Variants in GALNTL5 observed in about 807,000 individuals in gnomAD.
The protein encoded by GALNTL5 is inactive polypeptide N-acetylgalactosaminyltransferase-like protein 5.
GALNTL5 carries 44 observed loss-of-function variants against 51.0 expected under a neutral mutation model. The observed-to-expected ratio is 0.86, with a 90% CI of 0.68 to 1.11. The LOEUF is 1.11. Ranked by LOEUF, GALNTL5 falls within the 50% of genes least tolerant of loss-of-function variation. The probability of loss-of-function intolerance (pLI) is 0.00; values close to 1 mark genes in which losing one functional copy is unlikely to be tolerated. For missense variants in GALNTL5, 528 were observed against 531.8 expected, an observed-to-expected ratio of 0.99 and a Z score of 0.07; for synonymous variants, 192 against 182.8, an observed-to-expected ratio of 1.05 and a Z score of -0.41.
At position 151,983,159 on chromosome 7, in the gene GALNTL5, T is replaced by C. The variant is rs768430205; in HGVS notation, c.535+7T>C. On this transcript the variant is annotated splice_region_variant and intron_variant, in intron 4 of 8. Transcript: ENST00000392800. Reference sequence around the variant, plus strand: ...GATGACATGAGCAAAGTTGGTAAGATAGAACACTCATTATCTCATCTACTT... The same window carrying C: ...GATGACATGAGCAAAGTTGGTAAGACAGAACACTCATTATCTCATCTACTT... 3 of 1,606,328 alleles carry C rather than the reference T, an allele frequency of 1.9e-6. No homozygotes were observed. The highest frequency in any genetic ancestry group is 1.3e-5 in the African/African-American group (1 of 74,888).
intron 8 of GALNTL5, among the ~76,000 whole-genome samples, chr7:152,017,460 C>G (rs1304173258): frequency 6.6e-6 from 1 of 152,194 alleles, no homozygotes; most frequent in Admixed American, 6.5e-5. Context: ...AGGTAAATTT[C>G]AGAGATGTAA....
At chr7:151,973,333 T>A (rs1174376338) in intron 3 of GALNTL5, among the ~76,000 whole-genome samples, 3 of 151,110 alleles carry the variant, frequency 2.0e-5, no homozygotes, top group Non-Finnish European at 4.4e-5. Flanking sequence ...GGCATGGTGA[T>A]GCGTGCCTAT....
intron 3 of GALNTL5, among the ~76,000 whole-genome samples, chr7:151,978,700 G>A (rs2151944264): frequency 6.6e-6 from 1 of 152,316 alleles, no homozygotes; most frequent in Middle Eastern, 3.4e-3. Flanking sequence ...TCGCCTCTGA[G>A]AGCTGTAAAG....
At chr7:152,001,865 T>C (rs568302762) in intron 5 of GALNTL5, among the ~76,000 whole-genome samples, 116 of 152,272 alleles carry the variant, frequency 7.6e-4, no homozygotes, top group African/African-American at 2.7e-3. Flanking sequence ...TTTATACCTT[T>C]CTAATGATTT....
intron 2 of GALNTL5, among the ~76,000 whole-genome samples, 173 bp downstream of exon 2, chr7:151,967,666 T>C (rs886902446): frequency 3.9e-5 from 6 of 152,186 alleles, no homozygotes; most frequent in African/African-American, 1.4e-4. Context: ...CAAGTATGCA[T>C]GTATTTACCA....
At chr7:151,988,570 A>G (rs1047469495) in intron 5 of GALNTL5, among the ~76,000 whole-genome samples, 2 of 152,186 alleles carry the variant, frequency 1.3e-5, no homozygotes, top group Admixed American at 1.3e-4. Flanking sequence ...CTGCAAAGAT[A>G]ATACATGTTC....
chr7:152,019,235 CCTG>C (rs1015423691), intron 8 of GALNTL5, among the ~76,000 whole-genome samples: 1 of 152,204 alleles, frequency 6.6e-6, no homozygotes, highest in African/African-American at 2.4e-5. Flanking sequence ...AGGCTGTACT[CCTG>C]CAGGATCTAT....
chr7:151,971,850 T>C (rs561501424), intron 3 of GALNTL5, among the ~76,000 whole-genome samples: 1 of 152,316 alleles, frequency 6.6e-6, no homozygotes, highest in Admixed American at 6.5e-5. Flanking sequence ...TCTGCCACCA[T>C]GTAAGACATG....
At chr7:151,984,926 G>A (rs992126711) in intron 4 of GALNTL5, among the ~76,000 whole-genome samples, 23 of 152,176 alleles carry the variant, frequency 1.5e-4, no homozygotes, top group African/African-American at 3.9e-4. Context: ...ATTTGGAGAC[G>A]TAACTGGTGT....
intron 5 of GALNTL5, among the ~76,000 whole-genome samples, chr7:152,001,841 A>G (rs1041211387): frequency 2.0e-5 from 3 of 152,206 alleles, no homozygotes; most frequent in African/African-American, 7.2e-5. Flanking sequence ...CTTCTGATCA[A>G]AACATGAGAT....
rs747176120 is a variant in GALNTL5, at chr7:152,014,771, A to G, written c.1154A>G (p.His385Arg). Reference sequence around the variant, plus strand: ...ACACATAACTACCTAAGACTGGTGCACGTTTGGCTGGATGAATATAAGGTG... The same window carrying G: ...ACACATAACTACCTAAGACTGGTGCGCGTTTGGCTGGATGAATATAAGGTG... ...AMTHNYLRLV[H>R]VWLDEYKEQF... The change falls in exon 8 of 9, where the codon CAC (histidine) becomes CGC (arginine). Residue 385 changes from histidine (H) to arginine (R), a missense_variant. Transcript: ENST00000392800. 6.2e-7 allele frequency: 1 copy of G among 1,611,168 alleles called. No individual in the cohort carries two copies. Among genetic ancestry groups the G allele is most frequent in the South Asian group, 1.1e-5 (1 of 90,412 alleles).
chr7:151,979,106 CT>C lies in GALNTL5; in HGVS notation c.369-3860del, dbSNP rs397888897. Among the ~76,000 whole-genome samples, 102 of 71,154 alleles carry C rather than the reference CT, an allele frequency of 1.4e-3. 1 individual carries two copies. In the South Asian group the frequency reaches 0.017, roughly 12 times the overall value. The allele number at this position is 71,154 out of a possible 152,430, so 46.7% of individuals were successfully genotyped here. On this transcript the variant is annotated intron_variant, in intron 3 of 8. Coordinates refer to ENST00000392800, the MANE Select transcript of GALNTL5 (RefSeq NM_145292.4). ...AAAGGCCATCCAAATTACTTTTACT[CT>C]TTTTTTTTTTTTTTTTTTTGGAGAT...
chr7:151,976,751 C>A (rs1319131661), intron 3 of GALNTL5, among the ~76,000 whole-genome samples: 1 of 152,084 alleles, frequency 6.6e-6, no homozygotes, highest in East Asian at 1.9e-4. Context: ...TCACTGCAAC[C>A]TTTGCCTCCA....
intron 1 of GALNTL5, among the ~76,000 whole-genome samples, chr7:151,966,020 A>G (rs2081054522): frequency 1.3e-5 from 2 of 152,210 alleles, no homozygotes; most frequent in South Asian, 4.1e-4. Flanking sequence ...ATTCACATGC[A>G]TGGTTTTTTT....
At chr7:151,981,356 T>A (rs774669256) in intron 3 of GALNTL5, among the ~76,000 whole-genome samples, 3 of 152,180 alleles carry the variant, frequency 2.0e-5, no homozygotes, top group Non-Finnish European at 2.9e-5. Flanking sequence ...ATTCATTGCA[T>A]CTTCACAGCC....
At chr7:152,000,015 G>A (rs2081551702) in intron 5 of GALNTL5, among the ~76,000 whole-genome samples, 1 of 152,226 alleles carries the variant, frequency 6.6e-6, no homozygotes, top group South Asian at 2.1e-4. Context: ...CCTGGTGAGA[G>A]AGACTTGATA....
chr7:151,992,591 A>G (rs2081440796), intron 5 of GALNTL5, among the ~76,000 whole-genome samples: 1 of 152,084 alleles, frequency 6.6e-6, no homozygotes, highest in Admixed American at 6.5e-5. Flanking sequence ...ACCGAATCTC[A>G]GAAGGACTCC....
rs1411670374 is a variant in GALNTL5 at position 151,983,001 on chromosome 7, T to C, written c.384T>C (p.His128=). 6.2e-7 allele frequency: 1 copy of C among 1,614,168 alleles called. No individual in the cohort carries two copies. Among genetic ancestry groups the C allele is most frequent in the East Asian group, 2.2e-5 (1 of 44,884 alleles). ...DTRSKMCLQK[H]YPARLPTASI... ...CTGCCTGCAGGTGTCTTCAAAAACA[T>C]TACCCAGCCCGCCTCCCGACTGCCA... is the stretch of plus-strand genomic sequence containing the variant. Residue 128 remains histidine, a synonymous_variant, in exon 4 of 9, where the codon CAT becomes CAC. Transcript: ENST00000392800.
At chr7:151,981,338 G>T (rs1028010582) in intron 3 of GALNTL5, among the ~76,000 whole-genome samples, 1 of 152,140 alleles carries the variant, frequency 6.6e-6, no homozygotes, top group Non-Finnish European at 1.5e-5. Flanking sequence ...AGTGTTGTAG[G>T]CATGTTAATT....
Sources: allele counts gnomAD v4.1 joint callset (sites outside exome capture counted in the v4.1 genomes callset), GRCh38; gene constraint gnomAD v4.1.1; transcripts MANE v1.5; gene names NCBI Gene and HGNC (gene_info 2026-07-23, HGNC 2026-07-21).